MARCHF1: variants seen among roughly 807,000 people sequenced by gnomAD.
MARCHF1 encodes membrane associated ring-CH-type finger 1.
In MARCHF1, 40 loss-of-function variants were observed where a neutral mutation model predicts 54.2. That is an observed-to-expected ratio of 0.74 (90% CI 0.57 to 0.96). The LOEUF (loss-of-function observed/expected upper bound fraction) is 0.96. Among genes scored for constraint, MARCHF1 ranks in the 40% least tolerant of loss-of-function variants. MARCHF1 has a pLI of 0.00. For missense variants in MARCHF1, 586 were observed against 656.5 expected (o/e 0.89, Z 1.17); for synonymous variants, 236 against 236.3 (o/e 1.00, Z 0.01).
At chr4:164,341,891 C>T (rs1356089067) in intron 1 of MARCHF1, among the ~76,000 whole-genome samples, 1 of 152,126 alleles carries the variant, frequency 6.6e-6, no homozygotes. Context: ...AAGTTGAAGT[C>T]CACAAAATCA....
chr4:164,165,354 T>TTCTCTTTGTCTCTC (rs1470322117), intron 1 of MARCHF1, among the ~76,000 whole-genome samples: 1 of 123,004 alleles, frequency 8.1e-6, no homozygotes, highest in Admixed American at 8.7e-5. Flanking sequence ...CAAGCACGTT[T>TTCTCTTTGTCTCTC]TCTCTCTGTC....
intron 4 of MARCHF1, among the ~76,000 whole-genome samples, chr4:163,747,301 A>G (rs1746391293): frequency 6.6e-6 from 1 of 152,206 alleles, no homozygotes; most frequent in South Asian, 2.1e-4. Context: ...TTTATTGTAA[A>G]GTGATCCCAA....
chr4:163,571,128 G>T (rs1739830015), intron 8 of MARCHF1, among the ~76,000 whole-genome samples: 1 of 152,028 alleles, frequency 6.6e-6, no homozygotes, highest in African/African-American at 2.4e-5. Flanking sequence ...CAGAGAGACA[G>T]CTTTGAAATT....
intron 4 of MARCHF1, among the ~76,000 whole-genome samples, chr4:163,811,897 G>C (rs998573557): frequency 6.6e-6 from 1 of 152,148 alleles, no homozygotes; most frequent in Non-Finnish European, 1.5e-5. Flanking sequence ...TTATTTCTGA[G>C]TGTGTCTGCA....
intron 4 of MARCHF1, among the ~76,000 whole-genome samples, chr4:163,710,438 TC>T (rs1476658774): frequency 6.6e-6 from 1 of 152,168 alleles, no homozygotes; most frequent in Non-Finnish European, 1.5e-5. Context: ...AATTGGGCAG[TC>T]CAAACAATTG....
chr4:164,371,952 A>T (rs1731048177), intron 1 of MARCHF1, among the ~76,000 whole-genome samples: 1 of 152,176 alleles, frequency 6.6e-6, no homozygotes, highest in Admixed American at 6.5e-5. Context: ...TTTTCACTCA[A>T]ATTATATTTT....
At chr4:163,852,858 G>A (rs531148250) in intron 4 of MARCHF1, among the ~76,000 whole-genome samples, 5 of 152,276 alleles carry the variant, frequency 3.3e-5, no homozygotes, top group East Asian at 3.9e-4. Context: ...CCAAGGTGAT[G>A]GTATTAGGAG....
intron 4 of MARCHF1, among the ~76,000 whole-genome samples, chr4:163,833,696 C>A (rs139940182): frequency 6.6e-6 from 1 of 152,164 alleles, no homozygotes; most frequent in Non-Finnish European, 1.5e-5. Context: ...AGAGTAGGTG[C>A]TCTGGGATGC....
intron 1 of MARCHF1, among the ~76,000 whole-genome samples, chr4:164,351,254 C>G (rs1298265162): frequency 6.1e-5 from 9 of 148,042 alleles, no homozygotes; most frequent in Non-Finnish European, 1.2e-4. Flanking sequence ...CTGGGTGGAG[C>G]CCACGACAGC....
rs1731089852 is a variant in MARCHF1 at position 164,190,251 on chromosome 4, G to C, written c.-322-78589C>G. ...TAACAAGAAGGAACTGGAAGAAATTGTTCAGCCACTTATCAGCAAACTCTA... is the reference window on the plus strand; with the variant it reads ...TAACAAGAAGGAACTGGAAGAAATTCTTCAGCCACTTATCAGCAAACTCTA... On this transcript the variant is annotated intron_variant, in intron 1 of 9. Transcript: ENST00000514618. 27 of 1,168,318 alleles carry C rather than the reference G, an allele frequency of 2.3e-5. No homozygotes were observed. In the South Asian group the frequency reaches 3.6e-4, roughly 16 times the overall value. 72.4% of individuals were successfully genotyped at this position (1,168,318 alleles called of 1,614,324 possible).
chr4:164,128,966 T>C (rs1185866817), intron 1 of MARCHF1, among the ~76,000 whole-genome samples: 1 of 152,178 alleles, frequency 6.6e-6, no homozygotes. Context: ...TGTTCTGTTG[T>C]CCAGCAGCTC....
At position 163,971,293 on chromosome 4, in the gene MARCHF1, G is replaced by A. The variant is rs556073989; in HGVS notation, c.-39+17208C>T. Among the ~76,000 whole-genome samples, 217 of 152,266 alleles carry A rather than the reference G, an allele frequency of 1.4e-3. 1 individual carries two copies. The highest frequency in any genetic ancestry group is 5.0e-3 in the African/African-American group (208 of 41,558). On this transcript the variant is annotated intron_variant, in intron 3 of 9. Transcript: ENST00000514618. Reference sequence around the variant, plus strand: ...AGACAAATGGTAGAGCCATCCACACGAAGACTCAGGAGAAAGGTATTAATA... The same window carrying A: ...AGACAAATGGTAGAGCCATCCACACAAAGACTCAGGAGAAAGGTATTAATA...
chr4:164,059,161 C>T (rs75567196), intron 2 of MARCHF1, among the ~76,000 whole-genome samples: 5,155 of 152,188 alleles, frequency 0.034, 180 homozygotes, highest in African/African-American at 0.087. Context: ...CCAATTCCTC[C>T]AGGATCTGCC....
At chr4:163,696,153 T>C (rs1419909990) in intron 5 of MARCHF1, among the ~76,000 whole-genome samples, 1 of 152,074 alleles carries the variant, frequency 6.6e-6, no homozygotes, top group Non-Finnish European at 1.5e-5. Context: ...AAACTAGAAA[T>C]ATAAATTAAT....
intron 1 of MARCHF1, among the ~76,000 whole-genome samples, chr4:164,202,072 T>C (rs530818107): frequency 1.3e-5 from 2 of 152,280 alleles, no homozygotes; most frequent in African/African-American, 2.4e-5. Flanking sequence ...AACTTGCAAC[T>C]GATAGGGAAG....
intron 1 of MARCHF1, among the ~76,000 whole-genome samples, chr4:164,270,424 T>C (rs1375851139): frequency 1.3e-5 from 2 of 152,208 alleles, no homozygotes; most frequent in Non-Finnish European, 2.9e-5. Context: ...AATATACATG[T>C]TCACCTTTTT....
At position 163,889,919 on chromosome 4, in the gene MARCHF1, C is replaced by CTTTTTTTTTT. The variant is rs146357456; in HGVS notation, c.-38-35751_-38-35750insAAAAAAAAAA. Reference sequence around the variant, plus strand: ...ATGTTAAACTTCGTTTATTTATTTTCTTTTTTCTTTTTTTTTTTTTTTTGA... The same window carrying CTTTTTTTTTT: ...ATGTTAAACTTCGTTTATTTATTTTCTTTTTTTTTTTTTTTTCTTTTTTTTTTTTTTTTGA... On this transcript the variant is annotated intron_variant, in intron 3 of 9. Transcript: ENST00000514618. Among the ~76,000 whole-genome samples, 2 of 117,238 alleles carry CTTTTTTTTTT rather than the reference C, an allele frequency of 1.7e-5. 1 individual carries two copies. The allele number at this position is 117,238 out of a possible 152,430, so 76.9% of individuals were successfully genotyped here. A position where few individuals can be genotyped will look rare whatever the true frequency, so the allele number is the denominator to read the frequency against.
chr4:163,767,129 C>T (rs1318962401), intron 4 of MARCHF1, among the ~76,000 whole-genome samples: 1 of 143,956 alleles, frequency 6.9e-6, no homozygotes, highest in Non-Finnish European at 1.5e-5. Context: ...AAGTCTTATC[C>T]AAGGATATAA....
At chr4:164,259,397 G>A (rs1269877238) in intron 1 of MARCHF1, among the ~76,000 whole-genome samples, 1 of 151,654 alleles carries the variant, frequency 6.6e-6, no homozygotes, top group East Asian at 1.9e-4. Context: ...ACAAAAATTA[G>A]CTGGGAGGTA....
Sources: allele counts gnomAD v4.1 joint callset (sites outside exome capture counted in the v4.1 genomes callset), GRCh38; gene constraint gnomAD v4.1.1; transcripts MANE v1.5; gene names NCBI Gene and HGNC (gene_info 2026-07-23, HGNC 2026-07-21).